SORCS2: variants seen among roughly 807,000 people sequenced by gnomAD.
The protein encoded by SORCS2 is VPS10 domain-containing receptor SorCS2.
A neutral mutation model predicts 141.6 loss-of-function variants in SORCS2; 100 were observed. That is an observed-to-expected ratio of 0.71 (90% CI 0.60 to 0.83). The LOEUF (loss-of-function observed/expected upper bound fraction) is 0.83, where lower values mean the gene tolerates loss of function less well. SORCS2 is among the 40% of genes least tolerant of loss of function. SORCS2 has a pLI of 0.00. For missense variants in SORCS2, 1,646 were observed against 1,560.2 expected (o/e 1.05, Z -0.93); for synonymous variants, 789 against 676.9 (o/e 1.17, Z -2.57).
At chr4:7,468,174 C>A (rs1729736493) in intron 2 of SORCS2, among the ~76,000 whole-genome samples, 1 of 152,238 alleles carries the variant, frequency 6.6e-6, no homozygotes, top group Non-Finnish European at 1.5e-5. Flanking sequence ...TCTCCTTGTT[C>A]CCCCTAAGTA....
At position 7,714,253 on chromosome 4, in the gene SORCS2, T is replaced by G; in HGVS notation, c.2003T>G (p.Ile668Ser). ...TTCCTGCTGCAGGGCGACCGCTGTA[T>G]CATGGGCCAGCAGAGAAGTTTCCGG... ...ELSNLQGDRC[I>S]MGQQRSFRKR... The change falls in exon 16 of 27, where the codon ATC becomes AGC. Residue 668 changes from isoleucine (I) to serine (S), a missense_variant. Physicochemically the swap from Ile to Ser is moderately radical, Grantham distance 142. Coordinates refer to ENST00000507866, the MANE Select transcript of SORCS2 (RefSeq NM_020777.3). 1 of 1,611,202 alleles carries G rather than the reference T, an allele frequency of 6.2e-7. No individual in the cohort carries two copies. The highest frequency in any genetic ancestry group is 8.5e-7 in the Non-Finnish European group (1 of 1,178,904).
intron 1 of SORCS2, among the ~76,000 whole-genome samples, chr4:7,250,346 A>C (rs1275912992): frequency 6.6e-6 from 1 of 152,214 alleles, no homozygotes; most frequent in Admixed American, 6.5e-5. Context: ...TCTTTTCTGC[A>C]GGCTGCTCTA....
At chr4:7,479,171 C>T (rs1389087974) in intron 2 of SORCS2, among the ~76,000 whole-genome samples, 1 of 151,998 alleles carries the variant, frequency 6.6e-6, no homozygotes, top group East Asian at 1.9e-4. Context: ...CAGCTGCCCT[C>T]TCTCTCGGTG....
chr4:7,317,518 C>G (rs913947388), intron 1 of SORCS2, among the ~76,000 whole-genome samples: 11 of 152,250 alleles, frequency 7.2e-5, no homozygotes, highest in African/African-American at 2.4e-4. Flanking sequence ...CTCCTGAGCC[C>G]AGGTGGCCAC....
chr4:7,710,219 C>A (rs1444669347), intron 14 of SORCS2, among the ~76,000 whole-genome samples: 6 of 152,192 alleles, frequency 3.9e-5, no homozygotes, highest in Non-Finnish European at 8.8e-5. Flanking sequence ...CTGCGCAAAG[C>A]CTCACAGCTC....
intron 1 of SORCS2, among the ~76,000 whole-genome samples, chr4:7,394,565 A>G (rs918688077): frequency 3.6e-5 from 4 of 110,742 alleles, no homozygotes; most frequent in Non-Finnish European, 9.1e-5. Flanking sequence ...CGCCTTGTGC[A>G]AAGGCCCCAA....
intron 3 of SORCS2, among the ~76,000 whole-genome samples, chr4:7,594,425 G>A (rs905562602): frequency 8.5e-5 from 13 of 152,228 alleles, no homozygotes; most frequent in African/African-American, 2.4e-4. Context: ...GGCAGCTGCT[G>A]CCCGAGGAAG....
chr4:7,272,976 G>A (rs1225321039), intron 1 of SORCS2, among the ~76,000 whole-genome samples: 2 of 152,240 alleles, frequency 1.3e-5, no homozygotes, highest in African/African-American at 4.8e-5. Context: ...ATGTGGTGGA[G>A]TTCAGGGATT....
intron 1 of SORCS2, among the ~76,000 whole-genome samples, chr4:7,371,097 G>T (rs751069620): frequency 5.9e-5 from 9 of 152,244 alleles, no homozygotes; most frequent in Admixed American, 1.3e-4. Flanking sequence ...GGTCTCTGTA[G>T]AGTGAAGGGA....
At chr4:7,451,214 G>C (rs1728442941) in intron 2 of SORCS2, among the ~76,000 whole-genome samples, 2 of 152,332 alleles carry the variant, frequency 1.3e-5, no homozygotes, top group Non-Finnish European at 2.9e-5. Flanking sequence ...GTGAGTGAGT[G>C]AATGAATGAA....
chr4:7,740,743 A>C lies in SORCS2; in HGVS notation c.*479A>C. ...TGCGGCCACCCAGTCCCTCTGTGGG[A>C]GCCCGGGTGCCAGGCCCTCCCAACA... On this transcript the variant is annotated 3_prime_UTR_variant, in exon 27 of 27. Transcript: ENST00000507866. 1 of 314,824 alleles carries C rather than the reference A, an allele frequency of 3.2e-6. No individual in the cohort carries two copies. 19.5% of individuals were successfully genotyped at this position (314,824 alleles called of 1,614,324 possible).
chr4:7,300,710 G>T (rs145133695), intron 1 of SORCS2, among the ~76,000 whole-genome samples: 4 of 152,156 alleles, frequency 2.6e-5, no homozygotes, highest in Non-Finnish European at 5.9e-5. Flanking sequence ...TTCAACCACC[G>T]CAGGCAATGC....
At chr4:7,530,865 C>T (rs970607139) in intron 2 of SORCS2, among the ~76,000 whole-genome samples, 6 of 152,200 alleles carry the variant, frequency 3.9e-5, no homozygotes, top group Admixed American at 2.6e-4. Context: ...GAGTGGACAG[C>T]CCTGTCTCCC....
chr4:7,262,024 T>C (rs1315745309), intron 1 of SORCS2, among the ~76,000 whole-genome samples: 1 of 152,242 alleles, frequency 6.6e-6, no homozygotes, highest in Non-Finnish European at 1.5e-5. Context: ...TTGAGCAAGA[T>C]ATGGGGGTTC....
chr4:7,484,713 G>A lies in SORCS2; in HGVS notation c.549-46817G>A, dbSNP rs142151043. 1.8e-3 allele frequency among the ~76,000 whole-genome samples: 267 copies of A among 152,246 alleles called. 1 individual carries two copies. Among genetic ancestry groups the A allele is most frequent in the African/African-American group, 6.2e-3 (259 of 41,534 alleles). On this transcript the variant is annotated intron_variant, in intron 2 of 26. Transcript: ENST00000507866. ...CTCTTTAGAGAACTCTGAGCTGGGCGGGCATTTACAAGTTAAACGACAGCC... is the reference window on the plus strand; with the variant it reads ...CTCTTTAGAGAACTCTGAGCTGGGCAGGCATTTACAAGTTAAACGACAGCC...
chr4:7,241,795 G>A (rs142818945), intron 1 of SORCS2, among the ~76,000 whole-genome samples: 149 of 152,334 alleles, frequency 9.8e-4, no homozygotes, highest in Middle Eastern at 3.4e-3. Flanking sequence ...GCTGCAGAGC[G>A]ACTGAGTGAG....
chr4:7,258,083 C>T (rs771864024), intron 1 of SORCS2, among the ~76,000 whole-genome samples: 54 of 152,228 alleles, frequency 3.5e-4, no homozygotes, highest in Non-Finnish European at 6.0e-4. Context: ...AGTGCTTCCG[C>T]TGTGTCCCCT....
chr4:7,465,800 A>G (rs1270332049), intron 2 of SORCS2, among the ~76,000 whole-genome samples: 1 of 152,250 alleles, frequency 6.6e-6, no homozygotes, highest in East Asian at 1.9e-4. Flanking sequence ...AGACAAAGGC[A>G]TGGCTTATTA....
rs1727014740 is a variant in SORCS2, at chr4:7,193,897, C to G, written c.480+771C>G. 2.6e-5 allele frequency among the ~76,000 whole-genome samples: 4 copies of G among 152,304 alleles called. No individual in the cohort carries two copies. In the South Asian group the frequency reaches 8.3e-4, roughly 32 times the overall value. ...GGACCTCCTGTTCCTCCACCCACAG[C>G]CTGGGGCTCCCACCCTTCCCAAATC... On this transcript the variant is annotated intron_variant, in intron 1 of 26. Transcript: ENST00000507866. The surrounding 1 kb of genome is among the most constrained non-coding windows in gnomAD (Gnocchi z 4.8).
Sources: allele counts gnomAD v4.1 joint callset (sites outside exome capture counted in the v4.1 genomes callset), GRCh38; gene constraint gnomAD v4.1.1; non-coding constraint Gnocchi (gnomAD v3.1); transcripts MANE v1.5; gene names NCBI Gene and HGNC (gene_info 2026-07-23, HGNC 2026-07-21).